The following FRMD4A variants were observed in gnomAD, a reference collection of about 807,000 sequenced individuals.
FRMD4A encodes the protein FERM domain-containing protein 4A.
In FRMD4A, 29 loss-of-function variants were observed where a neutral mutation model predicts 129.1. The ratio of observed to expected loss-of-function variants is 0.22; its 90% CI spans 0.17 to 0.31. The LOEUF (loss-of-function observed/expected upper bound fraction) is 0.31, where lower values mean the gene tolerates loss of function less well. FRMD4A is among the 10% of genes least tolerant of loss of function. The probability of loss-of-function intolerance (pLI) is 1.00; values close to 1 mark genes in which losing one functional copy is unlikely to be tolerated. For missense variants in FRMD4A, 1,272 were observed against 1,375.8 expected (o/e 0.92, Z 1.19); for synonymous variants, 634 against 571.6 (o/e 1.11, Z -1.56).
intron 2 of FRMD4A, among the ~76,000 whole-genome samples, chr10:14,217,243 G>C (rs987074234): frequency 6.6e-6 from 1 of 152,154 alleles, no homozygotes; most frequent in Non-Finnish European, 1.5e-5. Flanking sequence ...TTTCTACTTT[G>C]GACCACTGAA....
chr10:13,970,174 TC>T (rs1376414638), intron 2 of FRMD4A, among the ~76,000 whole-genome samples: 1 of 152,214 alleles, frequency 6.6e-6, no homozygotes, highest in Non-Finnish European at 1.5e-5. Context: ...TCTAAAAGTT[TC>T]TTTTATATAT....
At chr10:14,045,535 T>C (rs915533500) in intron 2 of FRMD4A, among the ~76,000 whole-genome samples, 1 of 151,472 alleles carries the variant, frequency 6.6e-6, no homozygotes, top group Non-Finnish European at 1.5e-5. Flanking sequence ...TAAATATGTA[T>C]CGTTATTGAA....
intron 6 of FRMD4A, among the ~76,000 whole-genome samples, chr10:13,771,943 C>A (rs1465572609): frequency 3.3e-5 from 5 of 151,270 alleles, no homozygotes; most frequent in Non-Finnish European, 5.9e-5. Context: ...CAAAACAAAA[C>A]AAAACACACA....
At chr10:14,245,807 AG>A in intron 2 of FRMD4A, among the ~76,000 whole-genome samples, 1 of 152,244 alleles carries the variant, frequency 6.6e-6, no homozygotes, top group South Asian at 2.1e-4. Flanking sequence ...AACTGTAATA[AG>A]TTTTTGTTGT....
At chr10:14,107,674 C>A (rs1005815310) in intron 2 of FRMD4A, among the ~76,000 whole-genome samples, 23 of 152,102 alleles carry the variant, frequency 1.5e-4, no homozygotes, top group Admixed American at 7.9e-4. Context: ...TGTATATATT[C>A]ATATCTTCCC....
At chr10:13,875,410 C>A (rs1478217047) in intron 2 of FRMD4A, among the ~76,000 whole-genome samples, 4 of 152,222 alleles carry the variant, frequency 2.6e-5, no homozygotes, top group Middle Eastern at 3.4e-3. Context: ...GTATTTCCCC[C>A]CAGTGATTTG....
At chr10:13,749,073 G>A (rs558425060) in intron 8 of FRMD4A, among the ~76,000 whole-genome samples, 48 of 152,244 alleles carry the variant, frequency 3.2e-4, no homozygotes, top group African/African-American at 6.7e-4. Flanking sequence ...CATCTGTGGC[G>A]TCTGCACCCA....
chr10:14,018,072 C>T (rs925263728), intron 2 of FRMD4A, among the ~76,000 whole-genome samples: 6 of 151,966 alleles, frequency 3.9e-5, no homozygotes, highest in East Asian at 1.9e-4. Flanking sequence ...CTCTATGGCA[C>T]GAATGCAGTT....
At position 13,694,045 on chromosome 10, in the gene FRMD4A, A is replaced by T; in HGVS notation, c.976-6T>A. The T allele has an allele frequency of 6.6e-7, 1 of 1,505,452 alleles. No homozygotes were observed. The highest frequency in any genetic ancestry group is 1.4e-5 in the African/African-American group (1 of 71,238). 93.3% of individuals were successfully genotyped at this position (1,505,452 alleles called of 1,614,324 possible). On this transcript the variant is annotated splice_polypyrimidine_tract_variant and splice_region_variant and intron_variant, in intron 14 of 24. Coordinates refer to ENST00000357447, the MANE Select transcript of FRMD4A (RefSeq NM_018027.5). ...CGTGCTGCATGGATTTTGGACTGGA[A>T]TGGAAAGGGAAGCAGGTCAAAGAAG... is the stretch of plus-strand genomic sequence containing the variant.
chr10:13,846,067 T>C (rs1283562293), intron 3 of FRMD4A, among the ~76,000 whole-genome samples: 1 of 152,196 alleles, frequency 6.6e-6, no homozygotes, highest in Non-Finnish European at 1.5e-5. Flanking sequence ...ACCTACCTCA[T>C]AGAGTTGTGG....
At chr10:13,812,173 C>A (rs959990298) in intron 3 of FRMD4A, among the ~76,000 whole-genome samples, 5 of 152,236 alleles carry the variant, frequency 3.3e-5, no homozygotes, top group African/African-American at 1.2e-4. Context: ...GCCACTGCAC[C>A]TGGCCGACAG....
At chr10:14,140,422 C>T (rs570762058) in intron 2 of FRMD4A, among the ~76,000 whole-genome samples, 2 of 152,268 alleles carry the variant, frequency 1.3e-5, no homozygotes, top group South Asian at 2.1e-4. Context: ...ATGTCTCGAA[C>T]GTTTTGTACA....
At chr10:14,218,952 T>A (rs1458060800) in intron 2 of FRMD4A, among the ~76,000 whole-genome samples, 5 of 66,494 alleles carry the variant, frequency 7.5e-5, no homozygotes, top group South Asian at 1.2e-3. Flanking sequence ...TGAGACTTCA[T>A]CTCAAAAAAA....
intron 2 of FRMD4A, among the ~76,000 whole-genome samples, chr10:14,121,392 C>G (rs966131779): frequency 6.6e-6 from 1 of 152,044 alleles, no homozygotes; most frequent in African/African-American, 2.4e-5. Context: ...AACAAAAAAA[C>G]CAAAACAAAC....
At chr10:13,654,642 C>T (rs2081983564) in intron 22 of FRMD4A, 130 bp from the exon 23 acceptor site, 1 of 635,882 alleles carries the variant, frequency 1.6e-6, no homozygotes, top group African/African-American at 1.8e-5. Flanking sequence ...CTGGGAAGGA[C>T]CCCAGAGCAG....
intron 2 of FRMD4A, among the ~76,000 whole-genome samples, chr10:13,938,429 G>C (rs2095265564): frequency 6.6e-6 from 1 of 152,084 alleles, no homozygotes; most frequent in Non-Finnish European, 1.5e-5. Context: ...TTTTAGTAGA[G>C]ATGGGGTTTC....
intron 2 of FRMD4A, among the ~76,000 whole-genome samples, chr10:14,133,966 T>G (rs1219145303): frequency 6.6e-6 from 1 of 152,152 alleles, no homozygotes; most frequent in Non-Finnish European, 1.5e-5. Flanking sequence ...TAGAAGAACT[T>G]GTTTCTTGGT....
At chr10:13,685,916 T>C (rs570739939) in intron 15 of FRMD4A, among the ~76,000 whole-genome samples, 7 of 152,104 alleles carry the variant, frequency 4.6e-5, no homozygotes, top group African/African-American at 1.7e-4. Flanking sequence ...GGGATAAATA[T>C]AGCTGTGTAA....
intron 9 of FRMD4A, among the ~76,000 whole-genome samples, chr10:13,741,844 T>C (rs1314908385): frequency 6.6e-6 from 1 of 152,280 alleles, no homozygotes; most frequent in African/African-American, 2.4e-5. Context: ...CCCTCCTTTT[T>C]TGAAATCTTA....
Sources: gnomAD v4.1 joint callset for allele counts (sites outside exome capture counted in the v4.1 genomes callset) on GRCh38, gnomAD v4.1.1 for gene constraint, MANE v1.5 for transcripts, NCBI Gene and HGNC (gene_info 2026-07-23, HGNC 2026-07-21) for gene names.